ARHGAP30: variants seen among roughly 807,000 people sequenced by gnomAD.
ARHGAP30 encodes rho GTPase-activating protein 30.
A neutral mutation model predicts 72.0 loss-of-function variants in ARHGAP30; 23 were observed. That is an observed-to-expected ratio of 0.32 (90% CI 0.23 to 0.45). The LOEUF is 0.45. Ranked by LOEUF, ARHGAP30 falls within the 20% of genes least tolerant of loss-of-function variation. ARHGAP30 has a pLI of 1.00. For missense variants in ARHGAP30, 1,319 were observed against 1,383.4 expected, an observed-to-expected ratio of 0.95 and a Z score of 0.74; for synonymous variants, 576 against 528.2, an observed-to-expected ratio of 1.09 and a Z score of -1.24.
At chr1:161,055,371 T>C (rs1651746723) in intron 3 of ARHGAP30, among the ~76,000 whole-genome samples, 3 of 152,076 alleles carry the variant, frequency 2.0e-5, no homozygotes, top group South Asian at 4.1e-4. Context: ...TGCACGCCTG[T>C]AGTCCCATCT....
At position 161,051,620 on chromosome 1, in the gene ARHGAP30, G is replaced by T. The variant is rs765908015; in HGVS notation, c.1114C>A (p.Gln372Lys). The T allele has an allele frequency of 1.8e-5, 29 of 1,613,352 alleles. No homozygotes were observed. Among genetic ancestry groups the T allele is most frequent in the Non-Finnish European group, 2.2e-5 (26 of 1,180,046 alleles). ...NDSIEAAEGE[Q>K]EPEAEALGGT... Reference sequence around the variant, plus strand: ...CCCAGTGCTTCTGCCTCAGGCTCCTGTTCACCCTCTGCTGCCTCTATAGAA... The same window carrying T: ...CCCAGTGCTTCTGCCTCAGGCTCCTTTTCACCCTCTGCTGCCTCTATAGAA... Residue 372 changes from glutamine to lysine, a missense_variant, in exon 10 of 12, where the codon CAG becomes AAG. This residue lies in a region of ARHGAP30 where 1,097 missense variants were observed against 1,045.2 expected (regional missense o/e 1.05). Coordinates refer to ENST00000368013, the MANE Select transcript of ARHGAP30 (RefSeq NM_001025598.2).
chr1:161,060,883 T>C (rs1448552845), intron 1 of ARHGAP30, among the ~76,000 whole-genome samples: 1 of 151,754 alleles, frequency 6.6e-6, no homozygotes, highest in Non-Finnish European at 1.5e-5. Flanking sequence ...TTTTTGTATT[T>C]TTAGTAGAGG....
At chr1:161,066,749 G>A (rs551324668) in intron 1 of ARHGAP30, among the ~76,000 whole-genome samples, 3 of 149,546 alleles carry the variant, frequency 2.0e-5, no homozygotes, top group South Asian at 4.3e-4. Context: ...CTCTTGCCTC[G>A]TCTTAGTCTC....
chr1:161,054,242 C>G, intron 5 of ARHGAP30, 124 bp downstream of exon 5: 1 of 844,358 alleles, frequency 1.2e-6, no homozygotes, highest in Non-Finnish European at 1.9e-6. Context: ...TCTTTTCTCA[C>G]TGGGCTTTGT....
In ARHGAP30 at chr1:161,048,443, T is replaced by G; in HGVS notation, c.2578A>C (p.Thr860Pro). The change falls in exon 12 of 12, where the codon ACC (threonine) becomes CCC (proline). Residue 860 changes from threonine to proline, a missense_variant. Thr to Pro is a conservative substitution (Grantham distance 38). Transcript: ENST00000368013. ...RAGGYYLEED[T>P]LSEGSGVASL... ...GCTACACCTGAACCTTCAGAGAGGG[T>G]GTCCTCTTCTAAATAGTACCCTCCA... 1 of 1,614,094 alleles carries G rather than the reference T, an allele frequency of 6.2e-7. No homozygotes were observed. Among genetic ancestry groups the G allele is most frequent in the Non-Finnish European group, 8.5e-7 (1 of 1,180,022 alleles).
chr1:161,050,220 T>G (rs1184539835), intron 10 of ARHGAP30, among the ~76,000 whole-genome samples: 1 of 150,454 alleles, frequency 6.6e-6, no homozygotes, highest in Non-Finnish European at 1.5e-5. Context: ...TGCTGTAACA[T>G]AAGGCTAACA....
intron 10 of ARHGAP30, 124 bp downstream of exon 10, chr1:161,051,190 G>A (rs891360533): frequency 1.4e-6 from 2 of 1,454,810 alleles, no homozygotes; most frequent in African/African-American, 2.8e-5. Context: ...GCAGCTAAAG[G>A]TAACCACCCC....
Position 161,069,458 on chromosome 1 carries a change from A to C in ARHGAP30, c.97+70T>G, listed in dbSNP as rs1049356177. Reference sequence around the variant, plus strand: ...GCACCGGAAACTGCTTCTGCCCTTCAGGCTGGATCGGGCTGCAGATGCCCA... The same window carrying C: ...GCACCGGAAACTGCTTCTGCCCTTCCGGCTGGATCGGGCTGCAGATGCCCA... On this transcript the variant is annotated intron_variant, in intron 1 of 11. Transcript: ENST00000368013. This position sits in a 1 kb window ranked among gnomAD's most constrained non-coding sequence, Gnocchi z 4.9. 58 of 1,511,260 alleles carry C rather than the reference A, an allele frequency of 3.8e-5. No homozygotes were observed. Among genetic ancestry groups the C allele is most frequent in the Admixed American group, 6.7e-5 (4 of 59,318 alleles). 93.6% of individuals were successfully genotyped at this position (1,511,260 alleles called of 1,614,324 possible).
chr1:161,056,309 T>C, intron 3 of ARHGAP30, 79 bp downstream of exon 3: 1 of 1,542,580 alleles, frequency 6.5e-7, no homozygotes. Flanking sequence ...CTCTGGCTAG[T>C]ATGTGGCACA....
intron 5 of ARHGAP30, among the ~76,000 whole-genome samples, chr1:161,053,962 G>A (rs1229628434): frequency 6.6e-6 from 1 of 152,202 alleles, no homozygotes; most frequent in Non-Finnish European, 1.5e-5. Context: ...CAGCTACTCA[G>A]GAGGCTGAGG....
intron 1 of ARHGAP30, among the ~76,000 whole-genome samples, chr1:161,063,614 C>T (rs939513967): frequency 6.6e-6 from 1 of 152,216 alleles, no homozygotes; most frequent in African/African-American, 2.4e-5. Flanking sequence ...GAAAAAAGAA[C>T]AGGATAACAT....
chr1:161,055,915 TAAAATA>T (rs1557926906), intron 3 of ARHGAP30, among the ~76,000 whole-genome samples: 1 of 47,482 alleles, frequency 2.1e-5, no homozygotes, highest in African/African-American at 5.0e-5. Context: ...TAAAATAAAA[TAAAATA>T]AAATAAAATA....
intron 3 of ARHGAP30, among the ~76,000 whole-genome samples, chr1:161,055,875 T>TAAAATA (rs1267755773): frequency 4.3e-5 from 5 of 115,148 alleles, no homozygotes; most frequent in Admixed American, 4.3e-4. Context: ...TAAAATAAAA[T>TAAAATA]AAAATAAAAA....
chr1:161,053,069 C>A, intron 6 of ARHGAP30, 189 bp downstream of exon 6: 5 of 945,902 alleles, frequency 5.3e-6, no homozygotes, highest in Non-Finnish European at 7.7e-6. Context: ...TCAAGCCATG[C>A]CCTAGACTGA....
In ARHGAP30 at chr1:161,069,873, G is replaced by C. The variant is rs1653051400; in HGVS notation, c.-249C>G. 1 of 551,646 alleles carries C rather than the reference G, an allele frequency of 1.8e-6. No individual in the cohort carries two copies. The highest frequency in any genetic ancestry group is 3.3e-6 in the Non-Finnish European group (1 of 305,938). 34.2% of individuals were successfully genotyped at this position (551,646 alleles called of 1,614,324 possible). ...GGCAAGAAATTGTGTCCTGTGTCTC[G>C]TGGCCCAGCCTGGCACTCGCCCTCC... On this transcript the variant is annotated 5_prime_UTR_variant, in exon 1 of 12. Coordinates refer to ENST00000368013, the MANE Select transcript of ARHGAP30 (RefSeq NM_001025598.2). This position sits in a 1 kb window ranked among gnomAD's most constrained non-coding sequence, Gnocchi z 4.9.
At chr1:161,062,571 A>T (rs1042279141) in intron 1 of ARHGAP30, among the ~76,000 whole-genome samples, 4 of 151,914 alleles carry the variant, frequency 2.6e-5, no homozygotes, top group Non-Finnish European at 4.4e-5. Context: ...TCTACTAAAA[A>T]TATAAAAATT....
At chr1:161,060,393 T>C in intron 1 of ARHGAP30, 23 of 275,354 alleles carry the variant, frequency 8.4e-5, no homozygotes, top group South Asian at 1.5e-4. Flanking sequence ...GTCAGGAGTT[T>C]GAGACCAGCC....
chr1:161,059,820 A>G, intron 1 of ARHGAP30, 104 bp from the exon 2 acceptor site: 2 of 929,484 alleles, frequency 2.2e-6, no homozygotes, highest in South Asian at 3.3e-5. Context: ...CGACGAGCAA[A>G]GCTCATGGAA....
intron 1 of ARHGAP30, chr1:161,060,346 A>G: frequency 3.0e-6 from 1 of 331,324 alleles, no homozygotes; most frequent in Non-Finnish European, 6.2e-6. Flanking sequence ...CTGTAATCCC[A>G]ACACTTTGGG....
Sources: gnomAD v4.1 joint callset for allele counts (sites outside exome capture counted in the v4.1 genomes callset) on GRCh38, gnomAD v4.1.1 for gene constraint, gnomAD v4.1.1 regional missense constraint, Gnocchi (gnomAD v3.1) non-coding constraint, MANE v1.5 for transcripts, NCBI Gene and HGNC (gene_info 2026-07-23, HGNC 2026-07-21) for gene names.